Variants in PHLPP2 observed in about 807,000 individuals in gnomAD.
The protein encoded by PHLPP2 is PH domain and leucine rich repeat protein phosphatase 2.
In PHLPP2, 66 loss-of-function variants were observed where a neutral mutation model predicts 124.9. The observed-to-expected ratio is 0.53, with a 90% CI of 0.43 to 0.65. The LOEUF is 0.65. Among genes scored for constraint, PHLPP2 ranks in the 30% least tolerant of loss-of-function variants. The pLI is 0.00. For missense variants in PHLPP2, 1,685 were observed against 1,600.4 expected (o/e 1.05, Z -0.90); for synonymous variants, 681 against 624.7 (o/e 1.09, Z -1.34).
Position 71,684,587 on chromosome 16 carries a change from C to T in PHLPP2, c.624G>A (p.Lys208=), listed in dbSNP as rs1236337290. The T allele has an allele frequency of 1.2e-6, 2 of 1,612,902 alleles. No individual in the cohort carries two copies. The highest frequency in any genetic ancestry group is 2.2e-5 in the East Asian group (1 of 44,864). The change falls in exon 5 of 19, where the codon AAG becomes AAA. Residue 208 remains lysine, a synonymous_variant. Transcript: ENST00000568954. ...PLVGGKIEEV[K]RRQYSLAFSS... is the part of the protein sequence containing the mutation. ...TGAAAGCAAGGGAGTATTGCCGTCG[C>T]TTCACTTCTTCTATCTGAAGAAGAG...
In PHLPP2 at chr16:71,648,826, G is replaced by T; in HGVS notation, c.*64C>A. 1 of 1,116,798 alleles carries T rather than the reference G, an allele frequency of 9.0e-7. No homozygotes were observed. Among genetic ancestry groups the T allele is most frequent in the Non-Finnish European group, 1.3e-6 (1 of 763,566 alleles). The allele number at this position is 1,116,798 out of a possible 1,614,324, so 69.2% of individuals were successfully genotyped here. On this transcript the variant is annotated 3_prime_UTR_variant, in exon 19 of 19. Coordinates refer to ENST00000568954, the MANE Select transcript of PHLPP2 (RefSeq NM_015020.3). ...ACAAAAAGAAATGTAGAGGCAGAAT[G>T]CCTCTAGCAAGTCCCTACCCCAACC...
intron 1 of PHLPP2, among the ~76,000 whole-genome samples, chr16:71,721,096 T>C (rs551134862): frequency 2.6e-4 from 36 of 139,550 alleles, no homozygotes; most frequent in Non-Finnish European, 3.7e-4. Flanking sequence ...CACTTTGGGA[T>C]GCCGAGGAGG....
intron 14 of PHLPP2, 143 bp downstream of exon 14, chr16:71,658,510 G>T: frequency 1.7e-6 from 2 of 1,175,026 alleles, no homozygotes; most frequent in African/African-American, 1.5e-5. Flanking sequence ...CCAAACTGGA[G>T]CACATAAGAA....
chr16:71,664,911 CT>C (rs2044825300), intron 12 of PHLPP2, among the ~76,000 whole-genome samples: 1 of 152,196 alleles, frequency 6.6e-6, no homozygotes, highest in African/African-American at 2.4e-5. Flanking sequence ...TAACCAATTA[CT>C]TCCTTAGGGT....
chr16:71,668,540 T>C (rs765239469), intron 11 of PHLPP2, among the ~76,000 whole-genome samples: 15 of 151,744 alleles, frequency 9.9e-5, no homozygotes, highest in African/African-American at 1.2e-4. Context: ...GATGGGCCCA[T>C]TGCTTGAGCC....
intron 3 of PHLPP2, among the ~76,000 whole-genome samples, chr16:71,697,332 G>A (rs945552876): frequency 6.6e-6 from 1 of 152,034 alleles, no homozygotes; most frequent in African/African-American, 2.4e-5. Context: ...AGCACACACT[G>A]GGGGTTTTAG....
At position 71,649,803 on chromosome 16, in the gene PHLPP2, T is replaced by C. The variant is rs768901557; in HGVS notation, c.3059A>G (p.Tyr1020Cys). 6 of 1,614,116 alleles carry C rather than the reference T, an allele frequency of 3.7e-6. No individual in the cohort carries two copies. Among genetic ancestry groups the C allele is most frequent in the African/African-American group, 1.3e-5 (1 of 74,952 alleles). The change falls in exon 19 of 19, where the codon TAT (tyrosine) becomes TGT (cysteine). Residue 1020 changes from tyrosine to cysteine, a missense_variant. By Grantham distance (194) the Tyr-to-Cys change is radical. Coordinates refer to ENST00000568954, the MANE Select transcript of PHLPP2 (RefSeq NM_015020.3). ...AKKLCTLAQS[Y>C]GCQDNVGAMV... ...CGCCCCTACATTGTCCTGACAGCCA[T>C]AGCTCTGCGCTAATGTGCACAGCTT...
chr16:71,724,222 T>C (rs2045419323), intron 1 of PHLPP2, 107 bp downstream of exon 1: 1 of 152,212 alleles, frequency 6.6e-6, no homozygotes. Context: ...AAGAAGCAGG[T>C]GGCGCCGGCA....
At chr16:71,669,494 C>T (rs1052324801) in intron 10 of PHLPP2, 124 bp from the exon 11 acceptor site, 1 of 658,416 alleles carries the variant, frequency 1.5e-6, no homozygotes, top group Admixed American at 2.5e-5. Context: ...GTCTCCAAGG[C>T]ATCCCTTGGA....
rs954895073 is a variant in PHLPP2, at chr16:71,702,861, T to C, written c.285-130A>G. On this transcript the variant is annotated intron_variant, in intron 2 of 18. Transcript: ENST00000568954. ...TATTCTGTCACATGAATATACTGCT[T>C]AGTAGTGAAGTCTGGGCTTTTAGTG... 4 of 566,380 alleles carry C rather than the reference T, an allele frequency of 7.1e-6. No homozygotes were observed. The African/African-American group carries it at 7.5e-5, about 11-fold the overall frequency. 35.1% of individuals were successfully genotyped at this position (566,380 alleles called of 1,614,324 possible). A position where few individuals can be genotyped will look rare whatever the true frequency, so the allele number is the denominator to read the frequency against.
chr16:71,714,832 G>A, intron 1 of PHLPP2, 31 bp from the exon 2 acceptor site: 1 of 1,589,294 alleles, frequency 6.3e-7, no homozygotes, highest in Non-Finnish European at 8.6e-7. Context: ...GAAATCGTTA[G>A]CTAGAACATC....
Position 71,658,252 on chromosome 16 carries a change from T to C in PHLPP2, c.2260A>G (p.Lys754Glu). The change falls in exon 15 of 19, where the codon AAG (lysine) becomes GAG (glutamate). Residue 754 changes from lysine to glutamate, a missense_variant. Lys to Glu is a moderately conservative substitution (Grantham distance 56, BLOSUM62 1). Coordinates refer to ENST00000568954, the MANE Select transcript of PHLPP2 (RefSeq NM_015020.3). Reference protein sequence around the residue: ...TGNTNLVLEHKTLDIFSHITT... With the variant: ...TGNTNLVLEHETLDIFSHITT... ...TCCTACCTAAATATGTCCAGTGTCT[T>C]GTGTTCCAGAACCAGATTTGTATTT... 4 of 1,613,912 alleles carry C rather than the reference T, an allele frequency of 2.5e-6. No individual in the cohort carries two copies. Among genetic ancestry groups the C allele is most frequent in the Non-Finnish European group, 2.5e-6 (3 of 1,179,862 alleles).
chr16:71,702,553 C>T, intron 3 of PHLPP2, 45 bp downstream of exon 3: 1 of 1,503,294 alleles, frequency 6.7e-7, no homozygotes, highest in Non-Finnish European at 9.1e-7. Flanking sequence ...CACAAATGAT[C>T]AACCTAAAAG....
chr16:71,648,783 C>CA lies in PHLPP2; in HGVS notation c.*106dup, dbSNP rs374906434. ...AAGACTCCGTCTCAAAACAAACAAA[C>CA]AAAAAAAAAACGAACAAACAAAAAG... is the stretch of plus-strand genomic sequence containing the variant. On this transcript the variant is annotated 3_prime_UTR_variant, in exon 19 of 19. Coordinates refer to ENST00000568954, the MANE Select transcript of PHLPP2 (RefSeq NM_015020.3). 0.018 allele frequency: 11,825 copies of CA among 655,108 alleles called. No individual in the cohort carries two copies. The highest frequency in any genetic ancestry group is 0.024 in the South Asian group (1,011 of 42,330). The allele number at this position is 655,108 out of a possible 1,614,324, so 40.6% of individuals were successfully genotyped here. A position where few individuals can be genotyped will look rare whatever the true frequency, so the allele number is the denominator to read the frequency against.
chr16:71,684,827 G>C (rs370741896), intron 4 of PHLPP2, among the ~76,000 whole-genome samples: 3 of 152,078 alleles, frequency 2.0e-5, no homozygotes, highest in African/African-American at 7.2e-5. Context: ...TCTATCACCA[G>C]CAGCTGGGTA....
intron 1 of PHLPP2, among the ~76,000 whole-genome samples, chr16:71,720,889 C>A (rs1385718322): frequency 1.7e-4 from 24 of 143,366 alleles, no homozygotes; most frequent in East Asian, 1.1e-3. Flanking sequence ...AAAAAAAAAA[C>A]AATGTGAAAT....
Position 71,707,166 on chromosome 16 carries a change from A to T in PHLPP2, c.285-4435T>A, listed in dbSNP as rs2045281244. ...GAGACGGGGTTTCACCGTGTTAGCC[A>T]GGATGGTCTCGATCTCCTGACCTCG... is the stretch of plus-strand genomic sequence containing the variant. On this transcript the variant is annotated intron_variant, in intron 2 of 18. Coordinates refer to ENST00000568954, the MANE Select transcript of PHLPP2 (RefSeq NM_015020.3). 3.3e-5 allele frequency among the ~76,000 whole-genome samples: 5 copies of T among 151,712 alleles called. No individual in the cohort carries two copies. In the South Asian group the frequency reaches 1.0e-3, roughly 32 times the overall value.
chr16:71,660,424 T>A (rs2044779106), intron 13 of PHLPP2, among the ~76,000 whole-genome samples: 2 of 38,410 alleles, frequency 5.2e-5, no homozygotes, highest in East Asian at 0.016. Flanking sequence ...ACACTGTATT[T>A]TTTTTTTTTT....
At chr16:71,701,057 T>C (rs2045227823) in intron 3 of PHLPP2, among the ~76,000 whole-genome samples, 3 of 152,050 alleles carry the variant, frequency 2.0e-5, no homozygotes, top group Admixed American at 1.3e-4. Flanking sequence ...ACTGAGGCCA[T>C]GTGAGTGAAC....
Sources: gnomAD v4.1 joint callset for allele counts (sites outside exome capture counted in the v4.1 genomes callset) on GRCh38, gnomAD v4.1.1 for gene constraint, MANE v1.5 for transcripts, NCBI Gene and HGNC (gene_info 2026-07-23, HGNC 2026-07-21) for gene names.